The following STOX2 variants were observed in gnomAD, a reference collection of about 807,000 sequenced individuals.
STOX2 encodes the protein storkhead-box protein 2.
STOX2 carries 28 observed loss-of-function variants against 60.9 expected under a neutral mutation model. The observed-to-expected ratio is 0.46, with a 90% confidence interval of 0.34 to 0.63. The LOEUF (loss-of-function observed/expected upper bound fraction) is 0.63, where lower values mean the gene tolerates loss of function less well. STOX2 is among the 30% of genes least tolerant of loss of function. The pLI, the probability that STOX2 is intolerant of heterozygous loss-of-function variation, is 0.01. For synonymous variants in STOX2, 472 were observed against 463.9 expected (o/e 1.02, Z -0.22); for missense variants, 1,024 against 1,187.7 (o/e 0.86, Z 2.03).
chr4:183,861,309 G>GT (rs780229269), intron 1 of STOX2, among the ~76,000 whole-genome samples: 5 of 5,548 alleles, frequency 9.0e-4, no homozygotes, highest in Non-Finnish European at 3.1e-3. Flanking sequence ...CCGTTACCTT[G>GT]GGGGGGTCCT....
In STOX2 at chr4:183,806,867, A is replaced by G. The variant is rs1738902349; in HGVS notation, c.364+8812A>G. Among the ~76,000 whole-genome samples, 1 of 152,218 alleles carries G rather than the reference A, an allele frequency of 6.6e-6. No homozygotes were observed. Among genetic ancestry groups the G allele is most frequent in the Non-Finnish European group, 1.5e-5 (1 of 68,046 alleles). ...TGCCCTTGTAAGGCAAGTGGTCTTC[A>G]GAGATTCCAGACTCCCCCGCATGCA... On this transcript the variant is annotated intron_variant, in intron 1 of 2. Coordinates refer to the STOX2 transcript ENST00000513034. The surrounding 1 kb of genome is among the most constrained non-coding windows in gnomAD (Gnocchi z 4.1).
At chr4:183,873,446 C>CAAA (rs11453864) in intron 1 of STOX2, among the ~76,000 whole-genome samples, 7 of 112,214 alleles carry the variant, frequency 6.2e-5, no homozygotes, top group African/African-American at 1.0e-4. Flanking sequence ...AACTCTGTCT[C>CAAA]AAAAAAAAAA....
At chr4:183,897,973 T>C (rs1741374696) in intron 1 of STOX2, among the ~76,000 whole-genome samples, 1 of 152,220 alleles carries the variant, frequency 6.6e-6, no homozygotes, top group South Asian at 2.1e-4. Context: ...CACGTTCCTT[T>C]TTTTAATTGA....
chr4:183,904,543 A>G (rs17075136), upstream of STOX2, among the ~76,000 whole-genome samples: 43,366 of 152,198 alleles, frequency 0.28, 6,384 homozygotes, highest in East Asian at 0.45. Flanking sequence ...CCAATTAAAA[A>G]TAAAAACCAC....
At chr4:183,850,896 CGATGAGGGAAAGGATGAGGGAAAG>C (rs70959150) in intron 1 of STOX2, among the ~76,000 whole-genome samples, 14 of 45,198 alleles carry the variant, frequency 3.1e-4, no homozygotes, top group East Asian at 1.3e-3. Context: ...ATGAGAGAAA[CGATGAGGGAAAGGATGAGGGAAAG>C]GATGAGGGAA....
At chr4:183,955,537 G>A (rs77080998) in intron 1 of STOX2, among the ~76,000 whole-genome samples, 3,616 of 152,140 alleles carry the variant, frequency 0.024, 52 homozygotes, top group Middle Eastern at 0.034. Flanking sequence ...TCCTCTGATC[G>A]GGACTAGTAG....
rs1396194374 is a variant in STOX2 at position 183,906,822 on chromosome 4, G to A, written c.32G>A (p.Arg11Gln). 6.4e-7 allele frequency: 1 copy of A among 1,557,866 alleles called. No individual in the cohort carries two copies. Among genetic ancestry groups the A allele is most frequent in the South Asian group, 1.2e-5 (1 of 84,340 alleles). The change falls in exon 1 of 4, where the codon CGA becomes CAA. Residue 11 changes from arginine to glutamine, a missense_variant. By Grantham distance (43) the Arg-to-Gln change is conservative. Transcript: ENST00000308497. The stretch of plus-strand genomic sequence containing the variant: ...AAGACCCGGAGCACAACCTTGCGGC[G>A]AGCCTGGCCTAGCTCGGATTTCTCG... MKKTRSTTLR[R>Q]AWPSSDFSDR... is the part of the protein sequence containing the mutation.
rs1163579369 is a variant in STOX2, at chr4:183,951,444, CTTTTTTT to C, written c.166+44505_166+44511del. ...TTAGAGGACGACAGTCTCTCTCTCT[CTTTTTTT>C]TTTTTTTTTTTTTTTTGGGACGGAG... On this transcript the variant is annotated intron_variant, in intron 1 of 3. Transcript: ENST00000308497. Among the ~76,000 whole-genome samples the C allele has an allele frequency of 9.0e-5, 6 of 66,496 alleles. No individual in the cohort carries two copies. The South Asian group carries it at 2.1e-3, about 23-fold the overall frequency. The allele number at this position is 66,496 out of a possible 152,430, so 43.6% of individuals were successfully genotyped here.
chr4:183,908,592 G>T (rs78205389), intron 1 of STOX2, among the ~76,000 whole-genome samples: 1 of 126,676 alleles, frequency 7.9e-6, no homozygotes, highest in East Asian at 2.3e-4. Flanking sequence ...CAGGCAGCCA[G>T]TTTTTTTTTT....
chr4:183,962,994 C>G (rs571074031), intron 1 of STOX2, among the ~76,000 whole-genome samples: 6 of 152,308 alleles, frequency 3.9e-5, no homozygotes, highest in Admixed American at 2.0e-4. Flanking sequence ...ATCAGGGTCT[C>G]TGGAAGGTAG....
chr4:183,957,971 C>A (rs1387700068), intron 1 of STOX2, among the ~76,000 whole-genome samples: 1 of 151,242 alleles, frequency 6.6e-6, no homozygotes, highest in Non-Finnish European at 1.5e-5. Context: ...GAATGAGGCA[C>A]CCTGGTTTCT....
chr4:184,009,178 G>T lies in STOX2; in HGVS notation c.340G>T (p.Glu114Ter). ...TTCAGGTGTTCCAACGCCAAGCCAA[G>T]AAATTCTGCGGCACACGCTGAACAC... ...CFPGVPTPSQ[E>*]ILRHTLNTLV... is the part of the protein sequence containing the mutation. The change falls in exon 3 of 4, where the codon GAA becomes TAA. Residue 114 changes from glutamate (E) to a stop codon, truncating the protein, a stop_gained. Transcript: ENST00000308497. LOFTEE classifies it high-confidence loss of function. The surrounding 1 kb of genome is among the most constrained non-coding windows in gnomAD (Gnocchi z 4.0). The T allele has an allele frequency of 1.4e-6, 1 of 706,896 alleles. No individual in the cohort carries two copies. The highest frequency in any genetic ancestry group is 2.0e-6 in the Non-Finnish European group (1 of 497,816). The allele number at this position is 706,896 out of a possible 1,614,324, so 43.8% of individuals were successfully genotyped here.
chr4:184,006,363 A>G (rs1037188300), intron 2 of STOX2, among the ~76,000 whole-genome samples: 1 of 152,186 alleles, frequency 6.6e-6, no homozygotes, highest in Non-Finnish European at 1.5e-5. Flanking sequence ...AAACAATGAC[A>G]GTGGGCATCA....
chr4:183,972,090 T>A (rs1743758074), intron 1 of STOX2, among the ~76,000 whole-genome samples: 1 of 152,176 alleles, frequency 6.6e-6, no homozygotes, highest in Non-Finnish European at 1.5e-5. Flanking sequence ...ACCGTCCTCA[T>A]TCTCTCCCTT....
intron 1 of STOX2, 104 bp downstream of exon 1, chr4:183,907,060 G>C (rs1303280793): frequency 1.4e-5 from 14 of 1,000,440 alleles, no homozygotes; most frequent in Admixed American, 5.9e-5. Context: ...TGATGGATGC[G>C]ATAAGTTATG....
chr4:183,952,615 A>T (rs377722672), intron 1 of STOX2, among the ~76,000 whole-genome samples: 3 of 152,352 alleles, frequency 2.0e-5, no homozygotes, highest in African/African-American at 7.2e-5. Context: ...CCATCTTGAC[A>T]GCCTTAAAAT....
At chr4:183,983,447 G>T (rs1446429732) in intron 1 of STOX2, among the ~76,000 whole-genome samples, 1 of 152,226 alleles carries the variant, frequency 6.6e-6, no homozygotes, top group Non-Finnish European at 1.5e-5. Flanking sequence ...TGTGTTTTGA[G>T]TCGAAAGGAG....
At chr4:183,835,044 G>A (rs1329287725) in intron 1 of STOX2, among the ~76,000 whole-genome samples, 1 of 152,012 alleles carries the variant, frequency 6.6e-6, no homozygotes, top group Non-Finnish European at 1.5e-5. Context: ...GAAACATAGT[G>A]TCTTGAAGGA....
At chr4:183,849,453 G>C (rs898310197) in intron 1 of STOX2, among the ~76,000 whole-genome samples, 2 of 152,196 alleles carry the variant, frequency 1.3e-5, no homozygotes, top group Admixed American at 6.5e-5. Flanking sequence ...ATGTAGCTTC[G>C]TAGGAGATAC....
Sources: gnomAD v4.1 joint callset for allele counts (sites outside exome capture counted in the v4.1 genomes callset) on GRCh38, gnomAD v4.1.1 for gene constraint, Gnocchi (gnomAD v3.1) non-coding constraint, MANE v1.5 for transcripts, NCBI Gene and HGNC (gene_info 2026-07-23, HGNC 2026-07-21) for gene names.